The following CDH13 variants were observed in gnomAD, a reference collection of about 807,000 sequenced individuals.
CDH13 encodes cadherin 13.
CDH13 carries 24 observed loss-of-function variants against 63.8 expected under a neutral mutation model. The ratio of observed to expected loss-of-function variants is 0.38; its 90% CI spans 0.27 to 0.53. The LOEUF is 0.53. Among genes scored for constraint, CDH13 ranks in the 20% least tolerant of loss-of-function variants. The pLI is 0.85. For missense variants in CDH13, 1,049 were observed against 903.1 expected, an observed-to-expected ratio of 1.16 and a Z score of -2.07; for synonymous variants, 503 against 355.3, an observed-to-expected ratio of 1.42 and a Z score of -4.67.
chr16:82,856,250 C>A (rs2039681001), intron 1 of CDH13, among the ~76,000 whole-genome samples: 1 of 151,686 alleles, frequency 6.6e-6, no homozygotes. Context: ...GTGGCGGGCG[C>A]CTGTAGTCCC....
chr16:83,362,915 C>T (rs2091190075), intron 6 of CDH13, among the ~76,000 whole-genome samples: 1 of 152,172 alleles, frequency 6.6e-6, no homozygotes, highest in African/African-American at 2.4e-5. Flanking sequence ...GGGGTTTCAG[C>T]TGGAAGTGTG....
chr16:82,729,414 C>G (rs1189017843), intron 1 of CDH13, among the ~76,000 whole-genome samples: 1 of 152,148 alleles, frequency 6.6e-6, no homozygotes, highest in Non-Finnish European at 1.5e-5. Context: ...CATGAAAAAA[C>G]TAGTCTCGTA....
intron 4 of CDH13, among the ~76,000 whole-genome samples, chr16:83,167,635 C>G (rs1196412209): frequency 1.3e-5 from 2 of 151,332 alleles, no homozygotes; most frequent in Non-Finnish European, 2.9e-5. Context: ...CCCTTTCTCT[C>G]TTTTCCCAAA....
At chr16:82,926,679 GATTCTA>G (rs776577180) in intron 2 of CDH13, among the ~76,000 whole-genome samples, 58 of 152,336 alleles carry the variant, frequency 3.8e-4, no homozygotes, top group Non-Finnish European at 6.2e-4. Context: ...GCCAGGAAGT[GATTCTA>G]GCTCTGCTGT....
intron 8 of CDH13, among the ~76,000 whole-genome samples, chr16:83,632,028 G>A (rs1480288347): frequency 6.6e-6 from 1 of 152,220 alleles, no homozygotes; most frequent in Non-Finnish European, 1.5e-5. Flanking sequence ...CAGAAATGTG[G>A]TAGTTTGAGA....
At chr16:82,805,105 C>A (rs772980827) in intron 1 of CDH13, among the ~76,000 whole-genome samples, 5 of 152,114 alleles carry the variant, frequency 3.3e-5, no homozygotes, top group Non-Finnish European at 7.3e-5. Context: ...TGTGGACTTG[C>A]TTTTCACTTT....
intron 2 of CDH13, among the ~76,000 whole-genome samples, chr16:82,971,310 T>A (rs1908708900): frequency 6.6e-6 from 1 of 152,204 alleles, no homozygotes; most frequent in African/African-American, 2.4e-5. Context: ...CTATTCTCAC[T>A]GTCACTCTCA....
intron 7 of CDH13, among the ~76,000 whole-genome samples, chr16:83,596,580 G>A (rs1907279693): frequency 6.6e-6 from 1 of 152,136 alleles, no homozygotes; most frequent in South Asian, 2.1e-4. Context: ...ATGCAGAGTG[G>A]CCAGCGAGGG....
chr16:83,371,259 T>C (rs1478385412), intron 6 of CDH13, among the ~76,000 whole-genome samples: 2 of 152,190 alleles, frequency 1.3e-5, no homozygotes, highest in Non-Finnish European at 2.9e-5. Flanking sequence ...GACTGCCCCA[T>C]GGCCTTTCTT....
chr16:83,220,927 A>G (rs1280880019), intron 5 of CDH13, among the ~76,000 whole-genome samples: 1 of 152,240 alleles, frequency 6.6e-6, no homozygotes, highest in African/African-American at 2.4e-5. Flanking sequence ...ACTGCATGGC[A>G]GATATTATGC....
intron 5 of CDH13, among the ~76,000 whole-genome samples, chr16:83,336,025 G>T (rs935358974): frequency 7.9e-5 from 12 of 152,060 alleles, no homozygotes; most frequent in African/African-American, 2.4e-4. Flanking sequence ...TTGGGGCCAG[G>T]CATGGTAGCT....
intron 6 of CDH13, among the ~76,000 whole-genome samples, chr16:83,384,906 G>C (rs764568461): frequency 5.9e-5 from 9 of 152,180 alleles, no homozygotes; most frequent in Non-Finnish European, 1.2e-4. Flanking sequence ...CAACTTCTAG[G>C]AAAGTATTTT....
At chr16:83,536,677 T>G (rs1013040680) in intron 7 of CDH13, among the ~76,000 whole-genome samples, 1 of 152,068 alleles carries the variant, frequency 6.6e-6, no homozygotes, top group African/African-American at 2.4e-5. Flanking sequence ...ATGATTCTGG[T>G]TTGAGTGTTA....
At chr16:83,354,433 G>A (rs1335344769) in intron 6 of CDH13, among the ~76,000 whole-genome samples, 2 of 152,118 alleles carry the variant, frequency 1.3e-5, no homozygotes, top group Non-Finnish European at 2.9e-5. Context: ...AATATTATAG[G>A]GGCTGGGGAT....
At chr16:83,439,890 A>C (rs1392338835) in intron 6 of CDH13, among the ~76,000 whole-genome samples, 1 of 152,196 alleles carries the variant, frequency 6.6e-6, no homozygotes, top group Non-Finnish European at 1.5e-5. Context: ...TTTCTCTAAC[A>C]AAGTCCAAAT....
chr16:83,001,575 G>A (rs1912935325), intron 2 of CDH13, among the ~76,000 whole-genome samples: 1 of 152,170 alleles, frequency 6.6e-6, no homozygotes, highest in Non-Finnish European at 1.5e-5. Flanking sequence ...TTGACTGGGA[G>A]GTATTTATGT....
chr16:82,923,409 T>C (rs920438341), intron 2 of CDH13, among the ~76,000 whole-genome samples: 1 of 152,214 alleles, frequency 6.6e-6, no homozygotes, highest in Non-Finnish European at 1.5e-5. Flanking sequence ...CTTAAGACTT[T>C]AGAGAGGAAT....
chr16:83,545,832 C>G (rs1374474451), intron 7 of CDH13, among the ~76,000 whole-genome samples: 4 of 152,306 alleles, frequency 2.6e-5, no homozygotes, highest in South Asian at 2.1e-4. Context: ...CTGCAGCTTT[C>G]CTCAGCTTCC....
chr16:83,751,991 A>G (rs535035613), intron 11 of CDH13, among the ~76,000 whole-genome samples: 50 of 152,366 alleles, frequency 3.3e-4, no homozygotes, highest in Non-Finnish European at 5.0e-4. Flanking sequence ...CAGAACAGAA[A>G]AGCTTTCCAA....
Sources: allele counts gnomAD v4.1 joint callset (sites outside exome capture counted in the v4.1 genomes callset), GRCh38; gene constraint gnomAD v4.1.1; transcripts MANE v1.5; gene names NCBI Gene and HGNC (gene_info 2026-07-23, HGNC 2026-07-21).